The following RYR2 variants were observed in gnomAD, a reference collection of about 807,000 sequenced individuals.
RYR2 encodes ryanodine receptor 2.
RYR2 carries 227 observed loss-of-function variants against 601.1 expected under a neutral mutation model. That is an observed-to-expected ratio of 0.38 (90% CI 0.34 to 0.42). The LOEUF (loss-of-function observed/expected upper bound fraction) is 0.42. Ranked by LOEUF, RYR2 falls within the 10% of genes least tolerant of loss-of-function variation. The pLI, the probability that RYR2 is intolerant of heterozygous loss-of-function variation, is 1.00. For missense variants in RYR2, 4,646 were observed against 6,156.5 expected, an observed-to-expected ratio of 0.75 and a Z score of 8.21; for synonymous variants, 2,223 against 2,175.1, an observed-to-expected ratio of 1.02 and a Z score of -0.61.
At position 237,708,934 on chromosome 1, in the gene RYR2, C is replaced by A; in HGVS notation, c.9978C>A (p.Leu3326=). The A allele has an allele frequency of 6.2e-7, 1 of 1,613,198 alleles. No individual in the cohort carries two copies. The highest frequency in any genetic ancestry group is 8.5e-7 in the Non-Finnish European group (1 of 1,179,398). Residue 3326 remains leucine, a synonymous_variant, in exon 69 of 105, where the codon CTC becomes CTA. Coordinates refer to ENST00000366574, the MANE Select transcript of RYR2 (RefSeq NM_001035.3). ...KTHFLPLMEK[L]KKKAATVVSE... is the part of the protein sequence containing the mutation. Reference sequence around the variant, plus strand: ...ATTTCTTGCCGTTAATGGAGAAACTCAAGAAAAAGGCAGCTACGGTGGTGT... The same window carrying A: ...ATTTCTTGCCGTTAATGGAGAAACTAAAGAAAAAGGCAGCTACGGTGGTGT...
intron 77 of RYR2, among the ~76,000 whole-genome samples, chr1:237,731,764 A>C (rs1690698450): frequency 6.6e-6 from 1 of 152,136 alleles, no homozygotes; most frequent in Admixed American, 6.6e-5. Context: ...AGCATATTAT[A>C]TTACATTTAT....
At chr1:237,378,135 A>T (rs948265077) in intron 8 of RYR2, among the ~76,000 whole-genome samples, 2 of 152,092 alleles carry the variant, frequency 1.3e-5, no homozygotes, top group Admixed American at 6.6e-5. Context: ...TGTGCAGGGG[A>T]ACTCCTCTTT....
chr1:237,780,525 T>C (rs1695014621), intron 88 of RYR2, among the ~76,000 whole-genome samples: 1 of 152,202 alleles, frequency 6.6e-6, no homozygotes, highest in Non-Finnish European at 1.5e-5. Context: ...TTTTAAAGAA[T>C]AGTTTAAAAA....
At chr1:237,789,529 TATAGGTCATGGCTGCAGGTATAGTTC>T (rs1211135492) in intron 92 of RYR2, among the ~76,000 whole-genome samples, 1 of 125,354 alleles carries the variant, frequency 8.0e-6, no homozygotes, top group African/African-American at 3.8e-5. Context: ...ATAGTTCTAT[TATAGGTCATGGCTGCAGGTATAGTTC>T]TATTATAGGT....
At chr1:237,716,936 A>G (rs1205586705) in intron 71 of RYR2, among the ~76,000 whole-genome samples, 1 of 152,190 alleles carries the variant, frequency 6.6e-6, no homozygotes, top group Non-Finnish European at 1.5e-5. Flanking sequence ...CCCTAAAATT[A>G]CAATTTTCAT....
Position 237,723,253 on chromosome 1 carries a change from T to C in RYR2, c.10680T>C (p.His3560=), listed in dbSNP as rs727503404. Residue 3560 remains histidine (H), a synonymous_variant, in exon 74 of 105, where the codon CAT becomes CAC. Transcript: ENST00000366574. ...RVLDIANVLF[H]LEQKSKRVGR... ...TGGATATAGCAAATGTGCTTTTTCA[T>C]CTTGAACAGGTCAGGCTTTGTGTCA... 6.2e-7 allele frequency: 1 copy of C among 1,611,902 alleles called. No homozygotes were observed. Among genetic ancestry groups the C allele is most frequent in the Admixed American group, 1.7e-5 (1 of 59,990 alleles).
chr1:237,656,136 GTAATAA>G (rs543183422), intron 53 of RYR2, among the ~76,000 whole-genome samples, 152 bp downstream of exon 53: 1 of 151,838 alleles, frequency 6.6e-6, no homozygotes, highest in Non-Finnish European at 1.5e-5. Context: ...TAAAACGATA[GTAATAA>G]TAATAATGAT....
intron 62 of RYR2, among the ~76,000 whole-genome samples, chr1:237,687,050 A>G (rs914697862): frequency 1.3e-5 from 2 of 152,166 alleles, no homozygotes; most frequent in Non-Finnish European, 2.9e-5. Context: ...GTCCATATAT[A>G]TATTTTTTAA....
chr1:237,175,506 ATGCTC>A (rs1411620896), intron 1 of RYR2, among the ~76,000 whole-genome samples: 2 of 152,128 alleles, frequency 1.3e-5, no homozygotes, highest in Non-Finnish European at 2.9e-5. Context: ...ACCTACCTAT[ATGCTC>A]ATACTTGAAT....
chr1:237,300,741 G>A (rs74147236), intron 2 of RYR2, among the ~76,000 whole-genome samples: 62 of 152,194 alleles, frequency 4.1e-4, no homozygotes, highest in African/African-American at 1.5e-3. Context: ...ATTAACTGGT[G>A]CTTCAAAGCA....
chr1:237,121,360 A>T (rs1670757747), intron 1 of RYR2, among the ~76,000 whole-genome samples: 1 of 152,190 alleles, frequency 6.6e-6, no homozygotes, highest in African/African-American at 2.4e-5. Flanking sequence ...CTTTCCAAAA[A>T]ATTCTTCCAT....
At chr1:237,420,314 A>ATT (rs1170459227) in intron 11 of RYR2, among the ~76,000 whole-genome samples, 1 of 152,164 alleles carries the variant, frequency 6.6e-6, no homozygotes, top group African/African-American at 2.4e-5. Flanking sequence ...TTCAAGTTCT[A>ATT]TTTTTTATGT....
chr1:237,321,317 C>A (rs1347902168), intron 2 of RYR2, among the ~76,000 whole-genome samples: 1 of 152,032 alleles, frequency 6.6e-6, no homozygotes, highest in East Asian at 1.9e-4. Context: ...TAGTACAATT[C>A]CTGGCAAGAA....
At chr1:237,348,230 C>G (rs1310894586) in intron 3 of RYR2, among the ~76,000 whole-genome samples, 2 of 152,156 alleles carry the variant, frequency 1.3e-5, no homozygotes, top group Non-Finnish European at 2.9e-5. Context: ...AAGCAATCCT[C>G]TCTCAAGTAG....
At chr1:237,357,862 C>A (rs1699435422) in intron 4 of RYR2, among the ~76,000 whole-genome samples, 2 of 152,052 alleles carry the variant, frequency 1.3e-5, no homozygotes, top group Admixed American at 1.3e-4. Flanking sequence ...ATATTGATGC[C>A]AAAATACATG....
intron 20 of RYR2, among the ~76,000 whole-genome samples, chr1:237,498,762 A>G (rs1345194380): frequency 6.6e-6 from 1 of 152,228 alleles, no homozygotes; most frequent in Non-Finnish European, 1.5e-5. Flanking sequence ...TCTGTTCAGT[A>G]GAACAATAAG....
At chr1:237,533,145 G>C (rs894277680) in intron 25 of RYR2, among the ~76,000 whole-genome samples, 1 of 152,130 alleles carries the variant, frequency 6.6e-6, no homozygotes, top group Non-Finnish European at 1.5e-5. Context: ...AGTGGGTGAA[G>C]ATATGGAAAA....
Position 237,516,398 on chromosome 1 carries a change from C to T in RYR2, c.2822+4607C>T, listed in dbSNP as rs538437822. 4.6e-5 allele frequency among the ~76,000 whole-genome samples: 7 copies of T among 152,270 alleles called. No homozygotes were observed. In the South Asian group the frequency reaches 8.3e-4, roughly 18 times the overall value. On this transcript the variant is annotated intron_variant, in intron 24 of 104. Transcript: ENST00000366574. The stretch of plus-strand genomic sequence containing the variant: ...CCTCTCAGAATGCTGGGATTGCAGG[C>T]GTGAGCCACTGTGCCTGGCCAATCT...
intron 74 of RYR2, among the ~76,000 whole-genome samples, chr1:237,724,365 G>A (rs79219019): frequency 2.7e-5 from 4 of 150,724 alleles, no homozygotes; most frequent in African/African-American, 9.8e-5. Flanking sequence ...CCTCACCCCT[G>A]CCCTGGACAG....
Sources: allele counts gnomAD v4.1 joint callset (sites outside exome capture counted in the v4.1 genomes callset), GRCh38; gene constraint gnomAD v4.1.1; transcripts MANE v1.5; gene names NCBI Gene and HGNC (gene_info 2026-07-23, HGNC 2026-07-21).